Variants in ODF2 observed in about 807,000 individuals in gnomAD.
ODF2 encodes outer dense fiber of sperm tails 2, also known as outer dense fiber protein 2.
ODF2 carries 47 observed loss-of-function variants against 110.2 expected under a neutral mutation model. The observed-to-expected ratio is 0.43, with a 90% confidence interval of 0.34 to 0.54. The LOEUF (loss-of-function observed/expected upper bound fraction) is 0.54, where lower values mean the gene tolerates loss of function less well. Among genes scored for constraint, ODF2 ranks in the 20% least tolerant of loss-of-function variants. ODF2 has a pLI of 0.03. For missense variants in ODF2, 812 were observed against 1,054.5 expected (o/e 0.77, Z 3.19); for synonymous variants, 352 against 397.7 (o/e 0.89, Z 1.37).
At chr9:128,456,001 C>T (rs1834676080), upstream of ODF2, 7 of 1,418,782 alleles carry the variant, frequency 4.9e-6, no homozygotes, top group African/African-American at 9.0e-5. Flanking sequence ...AGTGGGCGGC[C>T]CTTCTGGCGG....
At chr9:128,473,798 C>T (rs2131812008) in intron 8 of ODF2, 57 bp downstream of exon 8, 1 of 1,504,386 alleles carries the variant, frequency 6.6e-7, no homozygotes, top group Non-Finnish European at 9.2e-7. Context: ...CTCTCTGAGC[C>T]TTTCTCCTTG....
chr9:128,475,560 A>G (rs1841080205), intron 8 of ODF2, among the ~76,000 whole-genome samples: 1 of 152,130 alleles, frequency 6.6e-6, no homozygotes, highest in South Asian at 2.1e-4. Flanking sequence ...TGTCTAATTG[A>G]AATCTTATAT....
At position 128,463,086 on chromosome 9, in the gene ODF2, G is replaced by A. The variant is rs553363437; in HGVS notation, c.249+2019G>A. The stretch of plus-strand genomic sequence containing the variant: ...GAGATCAGCCTGGGCAACATAGTGA[G>A]ATCCTATCTCTACAAAAAATAGAAA... On this transcript the variant is annotated intron_variant, in intron 4 of 20. Transcript: ENST00000604420. Among the ~76,000 whole-genome samples, 4 of 152,088 alleles carry A rather than the reference G, an allele frequency of 2.6e-5. No individual in the cohort carries two copies. The South Asian group carries it at 8.3e-4, about 32-fold the overall frequency.
In ODF2 at chr9:128,485,848, T is replaced by G. The variant is rs535955210; in HGVS notation, c.1400+374T>G. On this transcript the variant is annotated intron_variant, in intron 13 of 20. Transcript: ENST00000604420. The surrounding 1 kb of genome is among the most constrained non-coding windows in gnomAD (Gnocchi z 5.0). ...AATGGGGCAGATGGTGACCCGAGTG[T>G]CTTCTCTCTGTTGTCTGTCCAGGGA... 2.6e-5 allele frequency among the ~76,000 whole-genome samples: 4 copies of G among 152,140 alleles called. No homozygotes were observed. The East Asian group carries it at 7.7e-4, about 29-fold the overall frequency.
At chr9:128,489,000 C>T (rs1843987000) in intron 14 of ODF2, among the ~76,000 whole-genome samples, 1 of 152,112 alleles carries the variant, frequency 6.6e-6, no homozygotes, top group Admixed American at 6.6e-5. Flanking sequence ...GAGCGAAACT[C>T]CGTCTCAAAA....
At chr9:128,489,777 A>G (rs1480271827) in intron 14 of ODF2, among the ~76,000 whole-genome samples, 2 of 152,160 alleles carry the variant, frequency 1.3e-5, no homozygotes, top group Non-Finnish European at 2.9e-5. Context: ...CATTAAGTCT[A>G]TATTTGGTAG....
At position 128,459,595 on chromosome 9, in the gene ODF2, AC is replaced by A. The variant is rs1292752301; in HGVS notation, c.62del (p.Thr21ArgfsTer9). The A allele has an allele frequency of 6.2e-7, 1 of 1,613,940 alleles. No individual in the cohort carries two copies. The highest frequency in any genetic ancestry group is 8.5e-7 in the Non-Finnish European group (1 of 1,179,972). ...TCCATCGTGTGGGAAGAACGGAGTA[AC>A]GAGTCTCACGCAGAAAAAGGTCTTG... On this transcript the variant is annotated frameshift_variant, in exon 3 of 21. Coordinates refer to ENST00000604420, the Ensembl canonical transcript of ODF2. LOFTEE classifies it high-confidence loss of function.
At chr9:128,463,689 C>A (rs1431411930) in intron 4 of ODF2, among the ~76,000 whole-genome samples, 3 of 100,892 alleles carry the variant, frequency 3.0e-5, no homozygotes, top group Non-Finnish European at 5.9e-5. Flanking sequence ...AGAAAATGGG[C>A]GTCTGTGTCC....
intron 9 of ODF2, among the ~76,000 whole-genome samples, chr9:128,482,367 A>T (rs1433022578): frequency 1.3e-5 from 2 of 152,222 alleles, no homozygotes; most frequent in Non-Finnish European, 2.9e-5. Context: ...TATGATATAC[A>T]TCAGTAACTT....
intron 8 of ODF2, among the ~76,000 whole-genome samples, chr9:128,478,644 T>G (rs991667247): frequency 1.3e-5 from 2 of 152,018 alleles, no homozygotes; most frequent in Non-Finnish European, 2.9e-5. Context: ...AGTTTTCTCC[T>G]TTTTTGGTTT....
At chr9:128,497,438 AAAAAAAAAATATATATAT>A (rs1845747336) in intron 18 of ODF2, 1 of 94,576 alleles carries the variant, frequency 1.1e-5, no homozygotes, top group African/African-American at 5.7e-5. Flanking sequence ...AAAAAAAAAA[AAAAAAAAAATATATATAT>A]ATATATATAT....
In ODF2 at chr9:128,489,191, G is replaced by C. The variant is rs561360452; in HGVS notation, c.1536+1166G>C. Among the ~76,000 whole-genome samples the C allele has an allele frequency of 5.3e-4, 80 of 152,302 alleles. 1 individual carries two copies. Among genetic ancestry groups the C allele is most frequent in the African/African-American group, 1.8e-3 (74 of 41,578 alleles). On this transcript the variant is annotated intron_variant, in intron 14 of 20. Coordinates refer to ENST00000604420, the Ensembl canonical transcript of ODF2. Reference sequence around the variant, plus strand: ...CAGGAGTGAGAGGCACCTGAGCAGAGGTTGACATTTCAGAGACAGGTTTTA... The same window carrying C: ...CAGGAGTGAGAGGCACCTGAGCAGACGTTGACATTTCAGAGACAGGTTTTA...
intron 3 of ODF2, 112 bp downstream of exon 3, chr9:128,460,778 G>A (rs887078115): frequency 4.1e-5 from 63 of 1,526,482 alleles, no homozygotes; most frequent in Admixed American, 9.2e-5. Flanking sequence ...ACACTCTTTC[G>A]GAGGCCGGTT....
In ODF2 at chr9:128,471,441, G is replaced by A. The variant is rs780846935; in HGVS notation, c.554G>A (p.Arg185His). ...ACGGTGTTGAGGCACAACATCGAGCGCATGAAGGAGGAGAAGGACTTCACC... is the reference window on the plus strand; with the variant it reads ...ACGGTGTTGAGGCACAACATCGAGCACATGAAGGAGGAGAAGGACTTCACC... The change falls in exon 6 of 21, where the codon CGC becomes CAC. Residue 185 changes from arginine to histidine, a missense_variant. Transcript: ENST00000604420. The A allele has an allele frequency of 3.1e-6, 5 of 1,613,256 alleles. No individual in the cohort carries two copies. The highest frequency in any genetic ancestry group is 2.2e-5 in the East Asian group (1 of 44,810).
upstream of ODF2, among the ~76,000 whole-genome samples, chr9:128,455,553 CAAAAAAAAAAAAAAAAAAAAAAA>C (rs55634490): frequency 4.2e-3 from 241 of 56,844 alleles, 2 homozygotes; most frequent in African/African-American, 0.016. Flanking sequence ...GAATCTGTCT[CAAAAAAAAAAAAAAAAAAAAAAA>C]AAAAAAAAAA....
At chr9:128,469,219 T>A in exon 5 of ODF2, 2 of 1,614,078 alleles carry the variant, frequency 1.2e-6, no homozygotes, top group Non-Finnish European at 1.7e-6. Context: ...GCCACCATCT[T>A]CAGAAAAGCT....
chr9:128,460,829 C>T, intron 3 of ODF2, 113 bp from the exon 4 acceptor site: 4 of 1,522,308 alleles, frequency 2.6e-6, no homozygotes, highest in Non-Finnish European at 3.6e-6. Context: ...CCAGGAGCAA[C>T]AGCAGTAACA....
At chr9:128,472,112 C>A (rs992336074) in intron 6 of ODF2, among the ~76,000 whole-genome samples, 1 of 152,098 alleles carries the variant, frequency 6.6e-6, no homozygotes, top group African/African-American at 2.4e-5. Flanking sequence ...AACCCTGTCT[C>A]TACTAAAAAT....
intron 4 of ODF2, among the ~76,000 whole-genome samples, chr9:128,463,099 CAA>C (rs922594873): frequency 6.6e-5 from 10 of 151,678 alleles, no homozygotes; most frequent in Admixed American, 3.3e-4. Flanking sequence ...CCTATCTCTA[CAA>C]AAAATAGAAA....
Sources: gnomAD v4.1 joint callset for allele counts (sites outside exome capture counted in the v4.1 genomes callset) on GRCh38, gnomAD v4.1.1 for gene constraint, Gnocchi (gnomAD v3.1) non-coding constraint, MANE v1.5 for transcripts, NCBI Gene and HGNC (gene_info 2026-07-23, HGNC 2026-07-21) for gene names.